The following GALNT17 variants were observed in gnomAD, a reference collection of about 807,000 sequenced individuals.
GALNT17 encodes UDP-GalNAc:polypeptide N-acetylgalactosaminyltransferase-like 3.
In GALNT17, 29 loss-of-function variants were observed where a neutral mutation model predicts 63.7. The ratio of observed to expected loss-of-function variants is 0.46; its 90% confidence interval spans 0.34 to 0.62. The LOEUF (loss-of-function observed/expected upper bound fraction) is 0.62, where lower values mean the gene tolerates loss of function less well. Ranked by LOEUF, GALNT17 falls within the 20% of genes least tolerant of loss-of-function variation. GALNT17 has a pLI of 0.01. For missense variants in GALNT17, 603 were observed against 799.6 expected, an observed-to-expected ratio of 0.75 and a Z score of 2.97; for synonymous variants, 305 against 318.3, an observed-to-expected ratio of 0.96 and a Z score of 0.45.
At chr7:71,213,207 C>T (rs1055550209) in intron 1 of GALNT17, among the ~76,000 whole-genome samples, 8 of 152,144 alleles carry the variant, frequency 5.3e-5, no homozygotes, top group South Asian at 2.1e-4. Context: ...GAATATCTCA[C>T]GAGATCTTAC....
chr7:71,444,370 A>G (rs1787121603), intron 5 of GALNT17, among the ~76,000 whole-genome samples: 1 of 152,096 alleles, frequency 6.6e-6, no homozygotes, highest in Non-Finnish European at 1.5e-5. Context: ...CAGAGGGGCT[A>G]ATGTACGTGG....
intron 5 of GALNT17, among the ~76,000 whole-genome samples, chr7:71,507,010 C>T (rs1441171175): frequency 3.3e-5 from 5 of 152,164 alleles, no homozygotes; most frequent in East Asian, 1.9e-4. Flanking sequence ...TGAGGTGGGA[C>T]GATCGCTTGA....
intron 5 of GALNT17, among the ~76,000 whole-genome samples, chr7:71,529,016 A>T (rs1372792997): frequency 1.3e-5 from 2 of 151,926 alleles, no homozygotes; most frequent in Admixed American, 1.3e-4. Flanking sequence ...GTGCCTGTAG[A>T]CCCAGCTACT....
At chr7:71,157,081 C>T (rs1788249959) in intron 1 of GALNT17, among the ~76,000 whole-genome samples, 1 of 151,808 alleles carries the variant, frequency 6.6e-6, no homozygotes, top group East Asian at 1.9e-4. Flanking sequence ...CTCAGCCTCC[C>T]AAATAGCTGG....
intron 6 of GALNT17, among the ~76,000 whole-genome samples, chr7:71,602,918 G>A (rs1789986463): frequency 6.6e-6 from 1 of 152,136 alleles, no homozygotes; most frequent in African/African-American, 2.4e-5. Context: ...TAAATGTTAT[G>A]CTAAGTGCAT....
intron 1 of GALNT17, among the ~76,000 whole-genome samples, chr7:71,246,323 A>G (rs1253554450): frequency 6.6e-6 from 1 of 151,010 alleles, no homozygotes; most frequent in Non-Finnish European, 1.5e-5. Flanking sequence ...GGATTTCACC[A>G]TGTTGGCCAG....
At chr7:71,583,141 C>G (rs912238202) in intron 6 of GALNT17, among the ~76,000 whole-genome samples, 1 of 152,178 alleles carries the variant, frequency 6.6e-6, no homozygotes, top group Non-Finnish European at 1.5e-5. Context: ...AATTTCTCAA[C>G]TGGAGTGCAG....
At chr7:71,156,129 G>C (rs939407626) in intron 1 of GALNT17, among the ~76,000 whole-genome samples, 1 of 151,746 alleles carries the variant, frequency 6.6e-6, no homozygotes, top group Non-Finnish European at 1.5e-5. Context: ...CTGGGAGGCA[G>C]AGGTTGCGGT....
chr7:71,513,123 A>G (rs1333669262), intron 5 of GALNT17, among the ~76,000 whole-genome samples: 3 of 152,158 alleles, frequency 2.0e-5, no homozygotes, highest in Non-Finnish European at 4.4e-5. Context: ...GCTGTCTTTT[A>G]TGGATTGGGC....
At chr7:71,523,601 AAAAAT>A (rs911145436) in intron 5 of GALNT17, among the ~76,000 whole-genome samples, 5 of 151,870 alleles carry the variant, frequency 3.3e-5, no homozygotes, top group Admixed American at 6.6e-5. Context: ...CAAAAACTTT[AAAAAT>A]TAGTGGGGTG....
chr7:71,384,043 C>G (rs548804647), intron 2 of GALNT17, among the ~76,000 whole-genome samples: 1 of 152,198 alleles, frequency 6.6e-6, no homozygotes, highest in Non-Finnish European at 1.5e-5. Context: ...GTAACATCCT[C>G]CCCTTCCATC....
At chr7:71,285,302 T>C (rs1298229216) in intron 1 of GALNT17, among the ~76,000 whole-genome samples, 1 of 152,220 alleles carries the variant, frequency 6.6e-6, no homozygotes, top group African/African-American at 2.4e-5. Flanking sequence ...ATTCATTCCT[T>C]CTTCCAGTAT....
At chr7:71,615,567 C>CACTCA in intron 6 of GALNT17, among the ~76,000 whole-genome samples, 1 of 149,912 alleles carries the variant, frequency 6.7e-6, no homozygotes, top group Non-Finnish European at 1.5e-5. Flanking sequence ...ACCTCTGCCT[C>CACTCA]CTGGGCTCAA....
chr7:71,423,780 G>A (rs564186682), intron 5 of GALNT17, among the ~76,000 whole-genome samples: 252 of 152,022 alleles, frequency 1.7e-3, no homozygotes, highest in African/African-American at 5.5e-3. Flanking sequence ...AAAATTAGCC[G>A]GGGTGGTGGT....
At chr7:71,649,554 T>G (rs1790725830) in intron 6 of GALNT17, among the ~76,000 whole-genome samples, 1 of 144,056 alleles carries the variant, frequency 6.9e-6, no homozygotes, top group East Asian at 2.1e-4. Context: ...CTGTCCTGAG[T>G]CAGTTCCTTG....
chr7:71,270,287 A>C (rs1338090812), intron 1 of GALNT17, among the ~76,000 whole-genome samples: 1 of 151,942 alleles, frequency 6.6e-6, no homozygotes, highest in Non-Finnish European at 1.5e-5. Flanking sequence ...TCAATTTTTT[A>C]TTATAGAATG....
chr7:71,573,968 G>A (rs1789494078), intron 6 of GALNT17, among the ~76,000 whole-genome samples: 1 of 152,142 alleles, frequency 6.6e-6, no homozygotes, highest in Non-Finnish European at 1.5e-5. Flanking sequence ...TTAGGATAAT[G>A]GCCTCCAGCT....
At chr7:71,292,664 AGAGAGT>A (rs1313123112) in intron 1 of GALNT17, among the ~76,000 whole-genome samples, 6,730 of 113,726 alleles carry the variant, frequency 0.059, 206 homozygotes, top group African/African-American at 0.15. Flanking sequence ...AGAGAGAGAG[AGAGAGT>A]GTGTGTGTGT....
At chr7:71,676,660 G>T (rs928631897) in intron 8 of GALNT17, among the ~76,000 whole-genome samples, 1 of 152,134 alleles carries the variant, frequency 6.6e-6, no homozygotes, top group African/African-American at 2.4e-5. Context: ...GATTACAGGC[G>T]TGAGCCACCG....
Sources: allele counts gnomAD v4.1 joint callset (sites outside exome capture counted in the v4.1 genomes callset), GRCh38; gene constraint gnomAD v4.1.1; transcripts MANE v1.5; gene names NCBI Gene and HGNC (gene_info 2026-07-23, HGNC 2026-07-21).